NAA50: variants seen among roughly 807,000 people sequenced by gnomAD.
The protein encoded by NAA50 is N-alpha-acetyltransferase 50, NatE catalytic subunit.
A neutral mutation model predicts 20.7 loss-of-function variants in NAA50; 7 were observed. The observed-to-expected ratio is 0.34, with a 90% CI of 0.19 to 0.63. The LOEUF is 0.63. NAA50 is among the 30% of genes least tolerant of loss of function. The pLI, the probability that NAA50 is intolerant of heterozygous loss-of-function variation, is 0.75. For missense variants in NAA50, 111 were observed against 199.1 expected (o/e 0.56, Z 2.66); for synonymous variants, 54 against 70.6 (o/e 0.77, Z 1.18).
chr3:113,740,897 A>G, intron 1 of NAA50: 3 of 460,564 alleles, frequency 6.5e-6, no homozygotes, highest in Non-Finnish European at 1.3e-5. Flanking sequence ...AGACTATGCT[A>G]GAGTTTTCAA....
intron 1 of NAA50, among the ~76,000 whole-genome samples, chr3:113,737,260 G>A (rs756970101): frequency 1.3e-5 from 2 of 152,318 alleles, no homozygotes; most frequent in African/African-American, 2.4e-5. Context: ...CTTTTAGTTA[G>A]GATCAAATGG....
Position 113,745,307 on chromosome 3 carries a change from AGCTCCACCTACT to A in NAA50, c.8+623_8+634del, listed in dbSNP as rs1458638392. On this transcript the variant is annotated intron_variant, in intron 1 of 4. Coordinates refer to ENST00000240922, the MANE Select transcript of NAA50 (RefSeq NM_025146.4). ...GGCAATAGTGAACTACTGAAGCAAC[AGCTCCACCTACT>A]GATCCACCCTATACTTCCTTAAATA... Among the ~76,000 whole-genome samples the A allele has an allele frequency of 2.6e-5, 4 of 152,260 alleles. No homozygotes were observed. In the East Asian group the frequency reaches 7.7e-4, roughly 29 times the overall value.
intron 1 of NAA50, among the ~76,000 whole-genome samples, chr3:113,739,738 TTC>T (rs879806832): frequency 3.9e-5 from 6 of 152,186 alleles, no homozygotes; most frequent in Non-Finnish European, 8.8e-5. Context: ...GCCATAAACT[TTC>T]TGTTGGCCCA....
chr3:113,726,178 A>T (rs1577068066), intron 1 of NAA50, among the ~76,000 whole-genome samples: 1 of 152,344 alleles, frequency 6.6e-6, no homozygotes, highest in South Asian at 2.1e-4. Flanking sequence ...CACACAGATT[A>T]AATAAACAAA....
rs1034938776 is a variant in NAA50, at chr3:113,717,135, G to A, written c.*4625C>T. On this transcript the variant is annotated 3_prime_UTR_variant, in exon 5 of 5. Transcript: ENST00000240922. ...GGATTGCCTAAGCTCAGGAGTTTGAGACCAGCCTGGGCAACACGGTGAAAC... is the reference window on the plus strand; with the variant it reads ...GGATTGCCTAAGCTCAGGAGTTTGAAACCAGCCTGGGCAACACGGTGAAAC... 6.6e-6 allele frequency: 1 copy of A among 152,218 alleles called. No homozygotes were observed. The highest frequency in any genetic ancestry group is 1.5e-5 in the Non-Finnish European group (1 of 68,118). 9.4% of individuals were successfully genotyped at this position (152,218 alleles called of 1,614,324 possible).
At chr3:113,726,880 C>T (rs751409922) in intron 1 of NAA50, among the ~76,000 whole-genome samples, 14 of 152,182 alleles carry the variant, frequency 9.2e-5, no homozygotes, top group African/African-American at 1.7e-4. Flanking sequence ...CAGCAGCCTC[C>T]GCTTCTCAGG....
chr3:113,728,733 A>G (rs1708232228), intron 1 of NAA50, among the ~76,000 whole-genome samples: 1 of 152,132 alleles, frequency 6.6e-6, no homozygotes, highest in South Asian at 2.1e-4. Flanking sequence ...AATGCTGCCA[A>G]TTTCCAAATT....
At position 113,727,201 on chromosome 3, in the gene NAA50, T is replaced by A. The variant is rs930694217; in HGVS notation, c.9-3106A>T. On this transcript the variant is annotated intron_variant, in intron 1 of 4. Coordinates refer to ENST00000240922, the MANE Select transcript of NAA50 (RefSeq NM_025146.4). ...CACAAGTTGGGTGTAGTAATTTTTT[T>A]ATATACAGTTTGTATTAATTTAGAG... Among the ~76,000 whole-genome samples the A allele has an allele frequency of 9.8e-5, 15 of 152,370 alleles. No homozygotes were observed. The South Asian group carries it at 2.1e-3, about 21-fold the overall frequency.
intron 1 of NAA50, among the ~76,000 whole-genome samples, chr3:113,736,010 T>C (rs184239852): frequency 6.6e-6 from 1 of 152,340 alleles, no homozygotes; most frequent in East Asian, 1.9e-4. Flanking sequence ...TCCTTTTTGT[T>C]TCTGGTTTTT....
At chr3:113,738,057 G>A (rs548231897) in intron 1 of NAA50, among the ~76,000 whole-genome samples, 1 of 152,296 alleles carries the variant, frequency 6.6e-6, no homozygotes, top group South Asian at 2.1e-4. Context: ...TGAAAAAAGC[G>A]AAGGTGGGGT....
intron 4 of NAA50, 85 bp from the exon 5 acceptor site, chr3:113,722,022 T>C: frequency 8.2e-7 from 1 of 1,226,788 alleles, no homozygotes; most frequent in Admixed American, 2.5e-5. Context: ...GCTCCAAACA[T>C]CTGTTACATT....
At chr3:113,724,429 T>C (rs1053146756) in intron 1 of NAA50, among the ~76,000 whole-genome samples, 4 of 152,232 alleles carry the variant, frequency 2.6e-5, no homozygotes, top group Non-Finnish European at 5.9e-5. Context: ...AAAATTACAG[T>C]TCCTTTGCCC....
At chr3:113,723,727 A>C (rs1708164281) in intron 2 of NAA50, 186 bp from the exon 3 acceptor site, 1 of 797,410 alleles carries the variant, frequency 1.3e-6, no homozygotes, top group Non-Finnish European at 1.9e-6. Flanking sequence ...GTATAGCTTA[A>C]AGTGAAAACA....
At chr3:113,733,339 A>T (rs959422352) in intron 1 of NAA50, among the ~76,000 whole-genome samples, 2 of 150,042 alleles carry the variant, frequency 1.3e-5, no homozygotes. Flanking sequence ...AAACTACTCA[A>T]TTTTTTTTTT....
rs1708070814 is a variant in NAA50 at position 113,717,485 on chromosome 3, A to C, written c.*4275T>G. On this transcript the variant is annotated 3_prime_UTR_variant, in exon 5 of 5. Transcript: ENST00000240922. ...CCAAGTTAACAACACACATTAAGAA[A>C]TCTGACTCAAGCTCTTTTTCCCATG... The C allele has an allele frequency of 6.6e-6, 1 of 152,212 alleles. No individual in the cohort carries two copies. Among genetic ancestry groups the C allele is most frequent in the Admixed American group, 6.5e-5 (1 of 15,276 alleles). The allele number at this position is 152,212 out of a possible 1,614,324, so 9.4% of individuals were successfully genotyped here.
At position 113,717,790 on chromosome 3, in the gene NAA50, A is replaced by G. The variant is rs746229017; in HGVS notation, c.*3970T>C. ...ACCCACTATTTCTTTTATATCCCGA[A>G]TAACTGTAAAGTGCAGTGCTTTATA... is the stretch of plus-strand genomic sequence containing the variant. On this transcript the variant is annotated 3_prime_UTR_variant, in exon 5 of 5. Coordinates refer to ENST00000240922, the MANE Select transcript of NAA50 (RefSeq NM_025146.4). 1 of 152,200 alleles carries G rather than the reference A, an allele frequency of 6.6e-6. No individual in the cohort carries two copies. The highest frequency in any genetic ancestry group is 1.9e-4 in the East Asian group (1 of 5,202). 9.4% of individuals were successfully genotyped at this position (152,200 alleles called of 1,614,324 possible).
intron 1 of NAA50, among the ~76,000 whole-genome samples, chr3:113,744,417 T>C (rs993119300): frequency 1.8e-4 from 27 of 150,606 alleles, no homozygotes; most frequent in Admixed American, 1.8e-3. Context: ...TGGGCCGAGA[T>C]AGCGCCACTG....
At chr3:113,744,681 G>A (rs766638288) in intron 1 of NAA50, among the ~76,000 whole-genome samples, 7 of 152,154 alleles carry the variant, frequency 4.6e-5, no homozygotes, top group South Asian at 4.1e-4. Flanking sequence ...AATAGTTCAT[G>A]GTTCTTAAAC....
chr3:113,722,031 T>C, intron 4 of NAA50, 94 bp from the exon 5 acceptor site: 1 of 1,172,236 alleles, frequency 8.5e-7, no homozygotes, highest in Non-Finnish European at 1.2e-6. Flanking sequence ...ATCTGTTACA[T>C]TCTCTTTACA....
Sources: allele counts gnomAD v4.1 joint callset (sites outside exome capture counted in the v4.1 genomes callset), GRCh38; gene constraint gnomAD v4.1.1; transcripts MANE v1.5; gene names NCBI Gene and HGNC (gene_info 2026-07-23, HGNC 2026-07-21).